SLC4A8: variants seen among roughly 807,000 people sequenced by gnomAD.
SLC4A8 encodes electroneutral sodium bicarbonate exchanger 1.
SLC4A8 carries 40 observed loss-of-function variants against 125.0 expected under a neutral mutation model. That is an observed-to-expected ratio of 0.32 (90% CI 0.25 to 0.42). The LOEUF (loss-of-function observed/expected upper bound fraction) is 0.42, where lower values mean the gene tolerates loss of function less well. Among genes scored for constraint, SLC4A8 ranks in the 10% least tolerant of loss-of-function variants. The pLI is 1.00. For synonymous variants in SLC4A8, 456 were observed against 476.0 expected, an observed-to-expected ratio of 0.96 and a Z score of 0.55; for missense variants, 863 against 1,355.1, an observed-to-expected ratio of 0.64 and a Z score of 5.70.
intron 16 of SLC4A8, among the ~76,000 whole-genome samples, chr12:51,480,922 T>G (rs1248393984): frequency 6.6e-6 from 1 of 152,234 alleles, no homozygotes. Context: ...TTACCTGAAC[T>G]GCCTTACCTG....
rs375417498 is a variant in SLC4A8 at position 51,461,531 on chromosome 12, G to A, written c.1101+240G>A. 2.1e-5 allele frequency: 8 copies of A among 382,716 alleles called. No individual in the cohort carries two copies. The East Asian group carries it at 2.2e-4, about 10-fold the overall frequency. The allele number at this position is 382,716 out of a possible 1,614,324, so 23.7% of individuals were successfully genotyped here. On this transcript the variant is annotated intron_variant, in intron 9 of 24. Transcript: ENST00000453097. The stretch of plus-strand genomic sequence containing the variant: ...AAGAATGCAGAGAAATCTTTTTCTG[G>A]GGAAACTATTATTGCCAAGTAGGAT...
At position 51,512,261 on chromosome 12, in the gene SLC4A8, G is replaced by A. The variant is rs3741702; in HGVS notation, c.*4823G>A. On this transcript the variant is annotated 3_prime_UTR_variant, in exon 25 of 25. Transcript: ENST00000453097. Reference sequence around the variant, plus strand: ...AATATGGCCCTCTGCTGTAGGGGGCGTGGCACCTGTGACTTGCACTGGAAT... The same window carrying A: ...AATATGGCCCTCTGCTGTAGGGGGCATGGCACCTGTGACTTGCACTGGAAT... 0.48 allele frequency: 73,358 copies of A among 151,998 alleles called. 18,038 individuals are homozygous for A. Among genetic ancestry groups the A allele is most frequent in the Non-Finnish European group, 0.53 (35,825 of 67,976 alleles). The allele number at this position is 151,998 out of a possible 1,614,324, so 9.4% of individuals were successfully genotyped here.
chr12:51,442,517 T>C (rs761550169), intron 2 of SLC4A8, among the ~76,000 whole-genome samples: 1 of 152,196 alleles, frequency 6.6e-6, no homozygotes, highest in African/African-American at 2.4e-5. Flanking sequence ...TAACTGGCGG[T>C]GGGAGCAGCT....
intron 16 of SLC4A8, among the ~76,000 whole-genome samples, chr12:51,483,511 G>GT (rs1307894186): frequency 6.8e-6 from 1 of 147,590 alleles, no homozygotes; most frequent in African/African-American, 2.5e-5. Context: ...TTAAATGGTT[G>GT]TATCACATCT....
At chr12:51,433,865 T>TG (rs796457633) in intron 1 of SLC4A8, among the ~76,000 whole-genome samples, 39 of 63,038 alleles carry the variant, frequency 6.2e-4, no homozygotes, top group African/African-American at 1.6e-3. Flanking sequence ...TTTTTTTTTT[T>TG]TTTTTTTTTT....
At chr12:51,471,573 G>A in intron 14 of SLC4A8, 41 bp downstream of exon 14, 1 of 1,593,558 alleles carries the variant, frequency 6.3e-7, no homozygotes, top group African/African-American at 1.3e-5. Flanking sequence ...TTGAGCAAAG[G>A]GCCTGAGTTT....
At chr12:51,479,968 A>AT (rs1448116853) in intron 16 of SLC4A8, 1 of 343,388 alleles carries the variant, frequency 2.9e-6, no homozygotes. Flanking sequence ...GTATAAATGG[A>AT]ATTTTTTTTT....
chr12:51,393,259 C>A (rs1360248577), intron 1 of SLC4A8, among the ~76,000 whole-genome samples: 1 of 152,100 alleles, frequency 6.6e-6, no homozygotes, highest in East Asian at 1.9e-4. Flanking sequence ...GCCACCATGC[C>A]CAGCTAACTT....
chr12:51,463,586 T>C, intron 10 of SLC4A8, 28 bp from the exon 11 acceptor site: 1 of 1,529,872 alleles, frequency 6.5e-7, no homozygotes, highest in Middle Eastern at 1.7e-4. Flanking sequence ...ATGTTACCTT[T>C]ACTAATTTTG....
At chr12:51,416,836 C>T (rs1948696302) in intron 1 of SLC4A8, among the ~76,000 whole-genome samples, 1 of 152,132 alleles carries the variant, frequency 6.6e-6, no homozygotes, top group African/African-American at 2.4e-5. Context: ...CTGCAGCATG[C>T]ATCTCCTAAG....
At chr12:51,400,695 C>A (rs1419387367) in intron 1 of SLC4A8, among the ~76,000 whole-genome samples, 1 of 122,506 alleles carries the variant, frequency 8.2e-6, no homozygotes, top group Non-Finnish European at 1.6e-5. Flanking sequence ...TTTTTTCCAA[C>A]GGTACTTGAG....
At chr12:51,450,582 G>T in intron 2 of SLC4A8, 1 of 326,426 alleles carries the variant, frequency 3.1e-6, no homozygotes. Context: ...CATTGTCATT[G>T]TCATAACAAT....
rs1388626669 is a variant in SLC4A8 at position 51,513,278 on chromosome 12, C to T, written c.*5840C>T. 1 of 152,236 alleles carries T rather than the reference C, an allele frequency of 6.6e-6. No homozygotes were observed. Among genetic ancestry groups the T allele is most frequent in the Non-Finnish European group, 1.5e-5 (1 of 68,052 alleles). 9.4% of individuals were successfully genotyped at this position (152,236 alleles called of 1,614,324 possible). A position where few individuals can be genotyped will look rare whatever the true frequency, so the allele number is the denominator to read the frequency against. ...CTTTGTGGCTAGATGTGACTTCCAA[C>T]TTCTGAAGACAGGATTGCCAAGAGA... On this transcript the variant is annotated 3_prime_UTR_variant, in exon 25 of 25. Coordinates refer to ENST00000453097, the MANE Select transcript of SLC4A8 (RefSeq NM_001039960.3).
At chr12:51,478,291 T>G in intron 16 of SLC4A8, among the ~76,000 whole-genome samples, 1 of 144,754 alleles carries the variant, frequency 6.9e-6, no homozygotes, top group African/African-American at 2.7e-5. Flanking sequence ...AAAAAAAAAT[T>G]AGCTGGGCAT....
chr12:51,445,125 C>T lies in SLC4A8; in HGVS notation c.130+4336C>T, dbSNP rs528314849. Among the ~76,000 whole-genome samples the T allele has an allele frequency of 2.9e-3, 449 of 152,290 alleles. 2 individuals are homozygous for T. The highest frequency in any genetic ancestry group is 0.011 in the African/African-American group (437 of 41,554). ...TATCTAGCTGTACTAGATTTTACAA[C>T]ACCAGGTCATCATTTTAGAGGCCAA... is the stretch of plus-strand genomic sequence containing the variant. On this transcript the variant is annotated intron_variant, in intron 2 of 24. Coordinates refer to ENST00000453097, the MANE Select transcript of SLC4A8 (RefSeq NM_001039960.3).
chr12:51,457,769 GC>G (rs1020563547), intron 6 of SLC4A8, among the ~76,000 whole-genome samples: 2 of 152,152 alleles, frequency 1.3e-5, no homozygotes, highest in African/African-American at 4.8e-5. Flanking sequence ...AGGGACTTAT[GC>G]CCCAGGGTGG....
rs1247058821 is a variant in SLC4A8, at chr12:51,505,884, G to A, written c.3223G>A (p.Val1075Ile). 1 of 1,590,962 alleles carries A rather than the reference G, an allele frequency of 6.3e-7. No individual in the cohort carries two copies. Among genetic ancestry groups the A allele is most frequent in the Non-Finnish European group, 8.6e-7 (1 of 1,160,908 alleles). ...ATCTGATGAAATGCCTAAAACTACA[G>A]TTTGGAAAGCTCTCAGTATGAATTC... is the stretch of plus-strand genomic sequence containing the variant. The part of the protein sequence containing the change: ...NISDEMPKTT[V>I]WKALSMNSGN... The change falls in exon 24 of 25, where the codon GTT (valine) becomes ATT (isoleucine). Residue 1075 changes from valine to isoleucine, a missense_variant. Physicochemically the swap from Val to Ile is conservative, Grantham distance 29. Transcript: ENST00000453097.
chr12:51,465,221 A>G (rs1330293326), intron 11 of SLC4A8, among the ~76,000 whole-genome samples: 1 of 152,184 alleles, frequency 6.6e-6, no homozygotes, highest in Non-Finnish European at 1.5e-5. Context: ...TTTCAAAATT[A>G]TAATTTATCT....
chr12:51,452,388 C>G, intron 4 of SLC4A8, 129 bp downstream of exon 4: 1 of 1,027,568 alleles, frequency 9.7e-7, no homozygotes, highest in Non-Finnish European at 1.5e-6. Flanking sequence ...GACTGACATT[C>G]CAGTGTCTCC....
Sources: gnomAD v4.1 joint callset for allele counts (sites outside exome capture counted in the v4.1 genomes callset) on GRCh38, gnomAD v4.1.1 for gene constraint, MANE v1.5 for transcripts, NCBI Gene and HGNC (gene_info 2026-07-23, HGNC 2026-07-21) for gene names.